Variants in CSMD1 observed in about 807,000 individuals in gnomAD.
CSMD1 encodes CUB and sushi domain-containing protein 1.
Under a neutral mutation model 417.5 loss-of-function variants are expected in CSMD1, and 213 were observed. The ratio of observed to expected loss-of-function variants is 0.51; its 90% CI spans 0.46 to 0.57. The LOEUF is 0.57. Among genes scored for constraint, CSMD1 ranks in the 20% least tolerant of loss-of-function variants. The probability of loss-of-function intolerance (pLI) is 0.00; values close to 1 mark genes in which losing one functional copy is unlikely to be tolerated. For synonymous variants in CSMD1, 2,862 were observed against 1,736.8 expected (o/e 1.65, Z -16.11); for missense variants, 6,923 against 4,529.7 (o/e 1.53, Z -15.17).
chr8:3,226,526 G>A (rs979231865), intron 27 of CSMD1, among the ~76,000 whole-genome samples: 8 of 149,038 alleles, frequency 5.4e-5, no homozygotes, highest in Non-Finnish European at 1.0e-4. Flanking sequence ...AGGCTGCAGT[G>A]AGCTGAGATC....
At chr8:4,066,151 C>G (rs1799234531) in intron 3 of CSMD1, among the ~76,000 whole-genome samples, 1 of 152,216 alleles carries the variant, frequency 6.6e-6, no homozygotes, top group South Asian at 2.1e-4. Flanking sequence ...GTTTGGAAGA[C>G]TCACCCATTA....
At chr8:4,300,716 G>A (rs1797939335) in intron 3 of CSMD1, among the ~76,000 whole-genome samples, 1 of 152,088 alleles carries the variant, frequency 6.6e-6, no homozygotes, top group Non-Finnish European at 1.5e-5. Flanking sequence ...CCCGGAGTGT[G>A]ATGTTCCCCT....
chr8:3,476,315 T>C (rs867005136), intron 11 of CSMD1, among the ~76,000 whole-genome samples: 2 of 152,238 alleles, frequency 1.3e-5, no homozygotes, highest in African/African-American at 4.8e-5. Context: ...GTAATGATTT[T>C]AGTTCTCTTA....
chr8:4,343,009 C>A (rs1240584389), intron 3 of CSMD1, among the ~76,000 whole-genome samples: 1 of 152,202 alleles, frequency 6.6e-6, no homozygotes, highest in East Asian at 1.9e-4. Context: ...TTGCAGTGCA[C>A]CTGACTTGTG....
At chr8:3,190,142 G>A (rs766912860) in intron 33 of CSMD1, 27 bp from the exon 34 acceptor site, 21 of 1,534,816 alleles carry the variant, frequency 1.4e-5, no homozygotes, top group East Asian at 7.2e-5. Flanking sequence ...GAACACAGCC[G>A]TCTGTATCTC....
chr8:4,315,370 C>T (rs1169846242), intron 3 of CSMD1, among the ~76,000 whole-genome samples: 4 of 152,146 alleles, frequency 2.6e-5, no homozygotes. Context: ...AGGTACCAGC[C>T]TGCCTCATTC....
intron 1 of CSMD1, among the ~76,000 whole-genome samples, chr8:4,676,979 A>T (rs991212814): frequency 6.8e-6 from 1 of 146,264 alleles, no homozygotes; most frequent in Non-Finnish European, 1.5e-5. Context: ...AATATATATT[A>T]TATATTTTAT....
intron 23 of CSMD1, among the ~76,000 whole-genome samples, chr8:3,323,767 T>C (rs1806307626): frequency 7.5e-6 from 1 of 133,518 alleles, no homozygotes; most frequent in South Asian, 2.6e-4. Context: ...CTTTCATCAT[T>C]GTTAAAATAG....
Position 2,963,434 on chromosome 8 carries a change from T to A in CSMD1, c.9281-39A>T, listed in dbSNP as rs774078331. The A allele has an allele frequency of 3.8e-6, 6 of 1,598,986 alleles. No individual in the cohort carries two copies. In the African/African-American group the frequency reaches 8.0e-5, roughly 21 times the overall value. On this transcript the variant is annotated intron_variant, in intron 59 of 69. Coordinates refer to ENST00000635120, the MANE Select transcript of CSMD1 (RefSeq NM_033225.6). ...ACAAACAAGATCAACATTCCGGAGCTCCCGCTGCAGCGGTGATGTTCAAAC... is the reference window on the plus strand; with the variant it reads ...ACAAACAAGATCAACATTCCGGAGCACCCGCTGCAGCGGTGATGTTCAAAC...
At chr8:3,756,222 G>T (rs375104974) in intron 5 of CSMD1, among the ~76,000 whole-genome samples, 3 of 151,704 alleles carry the variant, frequency 2.0e-5, no homozygotes, top group Non-Finnish European at 4.4e-5. Flanking sequence ...GCATGGTGGC[G>T]GGCGCCTGTA....
chr8:4,814,214 G>C (rs984682427), intron 1 of CSMD1, among the ~76,000 whole-genome samples: 13 of 151,206 alleles, frequency 8.6e-5, no homozygotes, highest in African/African-American at 3.2e-4. Context: ...GTGTGTGTGT[G>C]TGTGCGTGTG....
intron 3 of CSMD1, among the ~76,000 whole-genome samples, chr8:4,038,691 T>A (rs529724839): frequency 4.5e-4 from 68 of 152,318 alleles, no homozygotes; most frequent in African/African-American, 1.4e-3. Context: ...CTCCTTCCCA[T>A]AGATGCTTCA....
At chr8:3,052,736 G>A in intron 49 of CSMD1, 89 bp from the exon 50 acceptor site, 1 of 889,446 alleles carries the variant, frequency 1.1e-6, no homozygotes, top group South Asian at 2.4e-5. Context: ...CATTATTATT[G>A]ACTCCATTTT....
chr8:4,619,107 G>A (rs1801632607), intron 2 of CSMD1, among the ~76,000 whole-genome samples: 1 of 152,082 alleles, frequency 6.6e-6, no homozygotes, highest in South Asian at 2.1e-4. Flanking sequence ...TATCCTGGTT[G>A]AATTTCTCTA....
intron 2 of CSMD1, among the ~76,000 whole-genome samples, chr8:4,527,462 T>G (rs1796575530): frequency 2.6e-5 from 4 of 152,234 alleles, no homozygotes. Context: ...AGATCCTGTT[T>G]GCAAAGTTGG....
At chr8:3,952,918 A>C (rs1034396403) in intron 5 of CSMD1, among the ~76,000 whole-genome samples, 1 of 152,208 alleles carries the variant, frequency 6.6e-6, no homozygotes, top group African/African-American at 2.4e-5. Context: ...TATTGAGTGC[A>C]ATTTATGTCT....
chr8:4,250,355 C>T (rs1424620390), intron 3 of CSMD1, among the ~76,000 whole-genome samples: 1 of 152,070 alleles, frequency 6.6e-6, no homozygotes, highest in African/African-American at 2.4e-5. Context: ...ATGTGTGTCC[C>T]CTAATGTGAC....
intron 6 of CSMD1, among the ~76,000 whole-genome samples, chr8:3,750,738 C>A (rs1797297851): frequency 6.6e-6 from 1 of 152,078 alleles, no homozygotes; most frequent in African/African-American, 2.4e-5. Flanking sequence ...CAGGACAGCC[C>A]CGTGTGGAGG....
intron 2 of CSMD1, among the ~76,000 whole-genome samples, chr8:4,534,634 T>C (rs888454730): frequency 6.6e-6 from 1 of 152,150 alleles, no homozygotes; most frequent in Non-Finnish European, 1.5e-5. Flanking sequence ...TTCCCATTTT[T>C]ATGGCCATGT....
Sources: allele counts gnomAD v4.1 joint callset (sites outside exome capture counted in the v4.1 genomes callset), GRCh38; gene constraint gnomAD v4.1.1; transcripts MANE v1.5; gene names NCBI Gene and HGNC (gene_info 2026-07-23, HGNC 2026-07-21).